Variants in C5 observed in about 807,000 individuals in gnomAD.
C5 encodes the protein complement C5, also known as C3 and PZP-like alpha-2-macroglobulin domain-containing protein 4.
In C5, 140 loss-of-function variants were observed where a neutral mutation model predicts 218.8. That is an observed-to-expected ratio of 0.64 (90% CI 0.56 to 0.74). The LOEUF is 0.74. Among genes scored for constraint, C5 ranks in the 30% least tolerant of loss-of-function variants. The probability of loss-of-function intolerance (pLI) is 0.00; values close to 1 mark genes in which losing one functional copy is unlikely to be tolerated. For missense variants in C5, 1,700 were observed against 1,969.6 expected (o/e 0.86, Z 2.59); for synonymous variants, 614 against 682.3 (o/e 0.90, Z 1.56).
Position 120,989,088 on chromosome 9 carries a change from T to A in C5, c.3188A>T (p.Asp1063Val). ...MLSIMSYRNA[D>V]YSYSVWKGGS... Reference sequence around the variant, plus strand: ...ACCCTTCCACACACTGTAAGAGTAGTCAGCATTTCTGTAGGACATAATGCT... The same window carrying A: ...ACCCTTCCACACACTGTAAGAGTAGACAGCATTTCTGTAGGACATAATGCT... Residue 1063 changes from aspartate to valine, a missense_variant, in exon 25 of 41, where the codon GAC becomes GTC. Transcript: ENST00000223642. The A allele has an allele frequency of 6.2e-7, 1 of 1,613,970 alleles. No individual in the cohort carries two copies. Among genetic ancestry groups the A allele is most frequent in the Non-Finnish European group, 8.5e-7 (1 of 1,179,834 alleles).
At chr9:120,989,298 A>G (rs1360020224) in intron 24 of C5, among the ~76,000 whole-genome samples, 177 bp from the exon 25 acceptor site, 1 of 152,238 alleles carries the variant, frequency 6.6e-6, no homozygotes, top group Non-Finnish European at 1.5e-5. Context: ...ATTGGGAATT[A>G]TCAAGTAGAA....
chr9:121,042,367 T>C (rs181839889), intron 3 of C5, among the ~76,000 whole-genome samples: 120 of 152,360 alleles, frequency 7.9e-4, no homozygotes, highest in African/African-American at 2.9e-3. Context: ...TAAACAATGT[T>C]CTAACAGTAA....
chr9:121,058,855 A>G, the C5 span, among the ~76,000 whole-genome samples: 1 of 152,242 alleles, frequency 6.6e-6, no homozygotes, highest in Non-Finnish European at 1.5e-5. Flanking sequence ...GTTCAAATGC[A>G]CAAGGTGGGA....
chr9:120,958,659 G>GA (rs1338200319), intron 38 of C5, among the ~76,000 whole-genome samples: 3 of 151,910 alleles, frequency 2.0e-5, no homozygotes, highest in African/African-American at 7.2e-5. Flanking sequence ...ACTATTAAGA[G>GA]AATTCAGTAG....
intron 12 of C5, among the ~76,000 whole-genome samples, chr9:121,019,140 TAA>T: frequency 6.8e-6 from 1 of 147,382 alleles, no homozygotes; most frequent in African/African-American, 2.5e-5. Flanking sequence ...GGTTTAAGAT[TAA>T]AAAAAAAAAA....
chr9:121,042,316 C>T (rs1183699886), intron 3 of C5, among the ~76,000 whole-genome samples: 7 of 152,174 alleles, frequency 4.6e-5, no homozygotes. Context: ...TTTTGATTGG[C>T]TATTCTGCCC....
chr9:121,012,490 G>A (rs1448026832), intron 17 of C5, among the ~76,000 whole-genome samples: 2 of 151,928 alleles, frequency 1.3e-5, no homozygotes, highest in South Asian at 2.1e-4. Flanking sequence ...CTCCAGCCTG[G>A]GCAACAAAAA....
At chr9:121,055,255 G>A (rs1047442658), upstream of C5, among the ~76,000 whole-genome samples, 25 of 152,026 alleles carry the variant, frequency 1.6e-4, no homozygotes, top group African/African-American at 5.6e-4. Context: ...CTGTTCCCAA[G>A]ACCATGATCA....
chr9:121,013,278 C>T (rs1039094158), intron 17 of C5, among the ~76,000 whole-genome samples: 1 of 144,692 alleles, frequency 6.9e-6, no homozygotes. Context: ...AAGATTGCAC[C>T]ACTGCACTCC....
intron 3 of C5, among the ~76,000 whole-genome samples, chr9:121,040,955 T>C (rs1227291651): frequency 6.7e-6 from 1 of 148,492 alleles, no homozygotes; most frequent in East Asian, 1.9e-4. Flanking sequence ...TTTTTCTCTT[T>C]TTTTTTTTTT....
intron 10 of C5, 128 bp downstream of exon 10, chr9:121,023,276 G>T: frequency 1.3e-6 from 1 of 752,810 alleles, no homozygotes; most frequent in Non-Finnish European, 2.5e-6. Context: ...AGGAGGGGCA[G>T]GTTTCACAGA....
chr9:120,962,911 A>T lies in C5; in HGVS notation c.4380T>A (p.Val1460=). ...FTDYQIKDGH[V]ILQLNSIPSS... is the part of the protein sequence containing the mutation. ...AGCTTACCGAATTCAGTTGCAGAAT[A>T]ACATGTCCATCTTTGATTTGGTAAT... is the stretch of plus-strand genomic sequence containing the variant. The change falls in exon 35 of 41, where the codon GTT becomes GTA. Residue 1460 remains valine, a synonymous_variant. Transcript: ENST00000223642. The T allele has an allele frequency of 6.2e-7, 1 of 1,614,112 alleles. No homozygotes were observed. Among genetic ancestry groups the T allele is most frequent in the Non-Finnish European group, 8.5e-7 (1 of 1,179,940 alleles).
At chr9:120,966,764 C>T (rs2046871205) in intron 33 of C5, among the ~76,000 whole-genome samples, 2 of 152,070 alleles carry the variant, frequency 1.3e-5, no homozygotes, top group Non-Finnish European at 1.5e-5. Context: ...GAACAGAGAG[C>T]AGGGACTGGC....
chr9:121,050,165 T>C lies in C5; in HGVS notation c.65+17A>G, dbSNP rs2131830229. On this transcript the variant is annotated intron_variant, in intron 1 of 40. Transcript: ENST00000223642. ...ACTAAGATGCATTGAAAAATGAAGA[T>C]AGCTTGTTTTACTTACGTTTGCTCC... 2.5e-6 allele frequency: 4 copies of C among 1,590,202 alleles called. No individual in the cohort carries two copies. The highest frequency in any genetic ancestry group is 1.7e-5 in the Admixed American group (1 of 59,984).
the C5 span, among the ~76,000 whole-genome samples, chr9:121,057,465 T>C: frequency 6.6e-6 from 1 of 152,034 alleles, no homozygotes; most frequent in Non-Finnish European, 1.5e-5. Flanking sequence ...AAACAAAAAG[T>C]CAAAATGCAG....
At position 121,020,134 on chromosome 9, in the gene C5, C is replaced by T. The variant is rs1246540100; in HGVS notation, c.1348G>A (p.Glu450Lys). 2 of 1,614,008 alleles carry T rather than the reference C, an allele frequency of 1.2e-6. No individual in the cohort carries two copies. The highest frequency in any genetic ancestry group is 2.2e-5 in the East Asian group (1 of 44,858). ...PDLPEENQAR[E>K]GYRAIAYSSL... The stretch of plus-strand genomic sequence containing the variant: ...GAGTATGCTATTGCTCGGTAACCTT[C>T]CCTGGCCTGATTTTCTTCTGGAAGA... The change falls in exon 12 of 41, where the codon GAA becomes AAA. Residue 450 changes from glutamate to lysine, a missense_variant. Coordinates refer to ENST00000223642, the MANE Select transcript of C5 (RefSeq NM_001735.3).
rs2047198308 is a variant in C5 at position 121,004,385 on chromosome 9, G to GA, written c.2562+1533dup. ...TTAAAGTATAATAAGGTGATCAACA[G>GA]AAAAAAATTCATGCATAAAATATGT... is the stretch of plus-strand genomic sequence containing the variant. On this transcript the variant is annotated intron_variant, in intron 20 of 40. Transcript: ENST00000223642. 4.6e-5 allele frequency among the ~76,000 whole-genome samples: 7 copies of GA among 152,084 alleles called. No individual in the cohort carries two copies. In the South Asian group the frequency reaches 1.5e-3, roughly 32 times the overall value.
At chr9:120,957,731 T>C (rs1301683002) in intron 38 of C5, among the ~76,000 whole-genome samples, 1 of 152,234 alleles carries the variant, frequency 6.6e-6, no homozygotes, top group Non-Finnish European at 1.5e-5. Context: ...AGCCCCTTCA[T>C]TCTCTTCTCC....
intron 28 of C5, among the ~76,000 whole-genome samples, chr9:120,979,165 C>A (rs539638077): frequency 3.9e-4 from 59 of 152,320 alleles, no homozygotes; most frequent in African/African-American, 1.3e-3. Flanking sequence ...CACTGGCCTC[C>A]TTGCCATTCT....
Sources: gnomAD v4.1 joint callset for allele counts (sites outside exome capture counted in the v4.1 genomes callset) on GRCh38, gnomAD v4.1.1 for gene constraint, MANE v1.5 for transcripts, NCBI Gene and HGNC (gene_info 2026-07-23, HGNC 2026-07-21) for gene names.